Variants in CEP128 observed in about 807,000 individuals in gnomAD.
The protein encoded by CEP128 is centrosomal protein 128.
A neutral mutation model predicts 156.7 loss-of-function variants in CEP128; 132 were observed. The observed-to-expected ratio is 0.84, with a 90% CI of 0.73 to 0.97. The LOEUF is 0.97. Ranked by LOEUF, CEP128 falls within the 50% of genes least tolerant of loss-of-function variation. The pLI, the probability that CEP128 is intolerant of heterozygous loss-of-function variation, is 0.00. For missense variants in CEP128, 1,252 were observed against 1,281.9 expected, an observed-to-expected ratio of 0.98 and a Z score of 0.36; for synonymous variants, 469 against 448.9, an observed-to-expected ratio of 1.04 and a Z score of -0.57.
At chr14:80,943,085 A>G (rs73344084), upstream of CEP128, among the ~76,000 whole-genome samples, 2,264 of 152,364 alleles carry the variant, frequency 0.015, 24 homozygotes, top group Middle Eastern at 0.051. Flanking sequence ...AAATTGCCCC[A>G]TATACATGCA....
chr14:80,700,732 GAA>G (rs771359761), intron 19 of CEP128, among the ~76,000 whole-genome samples: 15 of 152,120 alleles, frequency 9.9e-5, no homozygotes, highest in Admixed American at 3.3e-4. Flanking sequence ...AATTCAAAGA[GAA>G]AGAGCAATGT....
chr14:80,857,745 AACAAC>A (rs1566674689), intron 9 of CEP128, among the ~76,000 whole-genome samples: 9 of 139,962 alleles, frequency 6.4e-5, no homozygotes, highest in South Asian at 2.2e-4. Context: ...AAAAAAAAAC[AACAAC>A]AACAACAACA....
chr14:80,889,553 G>A (rs1888979365), intron 8 of CEP128, among the ~76,000 whole-genome samples: 1 of 152,160 alleles, frequency 6.6e-6, no homozygotes, highest in African/African-American at 2.4e-5. Context: ...AATAAATGGT[G>A]CTGGGAAAAC....
chr14:80,922,586 C>T (rs917645206), intron 2 of CEP128, among the ~76,000 whole-genome samples: 8 of 151,904 alleles, frequency 5.3e-5, no homozygotes, highest in South Asian at 2.1e-4. Context: ...CTTTGGAGAA[C>T]GAATTAAAAA....
At chr14:80,908,314 T>C (rs28459741) in intron 4 of CEP128, among the ~76,000 whole-genome samples, 6,493 of 152,258 alleles carry the variant, frequency 0.043, 483 homozygotes, top group African/African-American at 0.15. Flanking sequence ...TGCAACTGCA[T>C]TTTAGTTATA....
intron 13 of CEP128, among the ~76,000 whole-genome samples, chr14:80,818,463 C>T (rs752636012): frequency 2.7e-4 from 41 of 152,346 alleles, no homozygotes; most frequent in Middle Eastern, 3.4e-3. Flanking sequence ...AGGCAAAAAG[C>T]AATTGCTACG....
rs1254058505 is a variant in CEP128, at chr14:80,756,971, C to A, written c.2554-20G>T. 14 of 1,499,654 alleles carry A rather than the reference C, an allele frequency of 9.3e-6. No individual in the cohort carries two copies. The highest frequency in any genetic ancestry group is 2.3e-5 in the South Asian group (2 of 86,064). The allele number at this position is 1,499,654 out of a possible 1,614,324, so 92.9% of individuals were successfully genotyped here. A position where few individuals can be genotyped will look rare whatever the true frequency, so the allele number is the denominator to read the frequency against. ...AAAAACCTACAAAAGAGAAAACAGT[C>A]GATTAGAAATACATTTTTCTCTGAC... is the stretch of plus-strand genomic sequence containing the variant. On this transcript the variant is annotated intron_variant, in intron 17 of 24. Coordinates refer to ENST00000555265, the MANE Select transcript of CEP128 (RefSeq NM_152446.5).
At chr14:80,881,138 T>G (rs1364138149) in intron 8 of CEP128, among the ~76,000 whole-genome samples, 1 of 151,652 alleles carries the variant, frequency 6.6e-6, no homozygotes, top group Non-Finnish European at 1.5e-5. Flanking sequence ...AATGAAAAGT[T>G]GGTTTTTTGA....
chr14:80,583,845 A>G (rs551589304), intron 19 of CEP128, among the ~76,000 whole-genome samples: 2 of 152,294 alleles, frequency 1.3e-5, no homozygotes, highest in South Asian at 4.2e-4. Context: ...TCTTATCTCT[A>G]TTCAGAAACC....
At chr14:80,669,175 T>C (rs1374525952) in intron 19 of CEP128, among the ~76,000 whole-genome samples, 5 of 152,036 alleles carry the variant, frequency 3.3e-5, no homozygotes, top group Admixed American at 2.0e-4. Flanking sequence ...TAACTCAAGA[T>C]GGATCAAAGA....
intron 19 of CEP128, among the ~76,000 whole-genome samples, chr14:80,694,370 T>C (rs1326249383): frequency 6.6e-6 from 1 of 152,096 alleles, no homozygotes; most frequent in Non-Finnish European, 1.5e-5. Flanking sequence ...GAACCAGGAA[T>C]ACAATTTGAC....
intron 19 of CEP128, among the ~76,000 whole-genome samples, chr14:80,704,854 A>G (rs1897187121): frequency 6.6e-6 from 1 of 151,818 alleles, no homozygotes; most frequent in Non-Finnish European, 1.5e-5. Context: ...TTATTGTAGA[A>G]ATTTTCAAGC....
chr14:80,725,392 A>G (rs1457206639), intron 19 of CEP128, among the ~76,000 whole-genome samples: 1 of 151,944 alleles, frequency 6.6e-6, no homozygotes, highest in Non-Finnish European at 1.5e-5. Flanking sequence ...CATGTTGGCC[A>G]GGCCGGTCTC....
chr14:80,845,285 C>G (rs936582484), intron 9 of CEP128, among the ~76,000 whole-genome samples: 2 of 152,098 alleles, frequency 1.3e-5, no homozygotes, highest in Admixed American at 6.6e-5. Flanking sequence ...GTATTATTCC[C>G]TAACATGCCA....
chr14:80,575,693 A>G (rs528068469), intron 20 of CEP128, among the ~76,000 whole-genome samples: 86 of 152,302 alleles, frequency 5.6e-4, no homozygotes, highest in Admixed American at 1.2e-3. Flanking sequence ...GTCAGGCACC[A>G]AAGTTTTCAC....
chr14:80,771,614 C>T (rs1479466425), intron 16 of CEP128, among the ~76,000 whole-genome samples: 1 of 152,132 alleles, frequency 6.6e-6, no homozygotes, highest in Non-Finnish European at 1.5e-5. Context: ...CTGATCTATT[C>T]AACACAAGTT....
intron 8 of CEP128, among the ~76,000 whole-genome samples, chr14:80,877,474 C>T (rs562380434): frequency 6.6e-6 from 1 of 152,304 alleles, no homozygotes; most frequent in Non-Finnish European, 1.5e-5. Flanking sequence ...TATAAAACTT[C>T]TTTGAGTGAC....
intron 24 of CEP128, among the ~76,000 whole-genome samples, chr14:80,499,665 T>C (rs1240745718): frequency 6.6e-6 from 1 of 152,228 alleles, no homozygotes; most frequent in African/African-American, 2.4e-5. Context: ...TGAAACATTT[T>C]AGTCTTAAAA....
chr14:80,780,115 G>A (rs962458721), intron 15 of CEP128, among the ~76,000 whole-genome samples: 1 of 152,020 alleles, frequency 6.6e-6, no homozygotes, highest in Non-Finnish European at 1.5e-5. Flanking sequence ...GGTATGAGAG[G>A]GGTGATTCTA....
Sources: gnomAD v4.1 joint callset for allele counts (sites outside exome capture counted in the v4.1 genomes callset) on GRCh38, gnomAD v4.1.1 for gene constraint, MANE v1.5 for transcripts, NCBI Gene and HGNC (gene_info 2026-07-23, HGNC 2026-07-21) for gene names.